Variants in ZNF343 observed in about 807,000 individuals in gnomAD.
ZNF343 encodes the protein zinc finger protein 343.
Under a neutral mutation model 13.8 loss-of-function variants are expected in ZNF343, and 11 were observed. The observed-to-expected ratio is 0.80, with a 90% CI of 0.50 to 1.32. ZNF343 has a LOEUF of 1.32. Ranked by LOEUF, ZNF343 falls within the 40% of genes most tolerant of loss-of-function variation. The pLI is 0.00. For synonymous variants in ZNF343, 248 were observed against 260.0 expected, an observed-to-expected ratio of 0.95 and a Z score of 0.44; for missense variants, 658 against 714.2, an observed-to-expected ratio of 0.92 and a Z score of 0.90.
chr20:2,509,348 C>A (rs946683445), upstream of ZNF343, among the ~76,000 whole-genome samples: 13 of 152,220 alleles, frequency 8.5e-5, no homozygotes, highest in African/African-American at 3.1e-4. Context: ...GTAGATTCGA[C>A]TTCGTGTTGC....
At chr20:2,484,742 C>T in intron 5 of ZNF343, 86 bp from the exon 6 acceptor site, 16 of 1,208,958 alleles carry the variant, frequency 1.3e-5, no homozygotes, top group Non-Finnish European at 1.9e-5. Context: ...GAATGTTTTA[C>T]TGCCATGCCT....
chr20:2,502,000 C>T (rs964629137), intron 1 of ZNF343, among the ~76,000 whole-genome samples: 6 of 151,902 alleles, frequency 3.9e-5, no homozygotes, highest in East Asian at 1.9e-4. Flanking sequence ...AGGCTTCAGA[C>T]GATCAAACTA....
At chr20:2,484,855 T>C (rs1009021902) in intron 5 of ZNF343, among the ~76,000 whole-genome samples, 199 bp from the exon 6 acceptor site, 1 of 152,176 alleles carries the variant, frequency 6.6e-6, no homozygotes, top group Non-Finnish European at 1.5e-5. Flanking sequence ...AACAAAAATA[T>C]CTTGAGAAAC....
intron 2 of ZNF343, among the ~76,000 whole-genome samples, chr20:2,499,400 G>T: frequency 1.0e-5 from 1 of 99,090 alleles, no homozygotes; most frequent in Non-Finnish European, 2.1e-5. Flanking sequence ...GGGAGGCGGA[G>T]CTTGCAGTGA....
intron 5 of ZNF343, among the ~76,000 whole-genome samples, chr20:2,491,553 T>C (rs1178406950): frequency 6.6e-6 from 1 of 152,178 alleles, no homozygotes; most frequent in Non-Finnish European, 1.5e-5. Flanking sequence ...AAGAATGGTT[T>C]TTACATTTTT....
chr20:2,508,646 C>G lies in ZNF343; in HGVS notation c.-237+235G>C, dbSNP rs986126683. Among the ~76,000 whole-genome samples, 7 of 152,200 alleles carry G rather than the reference C, an allele frequency of 4.6e-5. No individual in the cohort carries two copies. Among genetic ancestry groups the G allele is most frequent in the African/African-American group, 9.6e-5 (4 of 41,462 alleles). ...AGAGTTCTAGGTCACTCTCGTCCCC[C>G]CGGGGGGAAAAAAGGTCCGCGGAGG... On this transcript the variant is annotated intron_variant, in intron 1 of 5. Coordinates refer to ENST00000278772, the MANE Select transcript of ZNF343 (RefSeq NM_024325.6). The surrounding 1 kb of genome is among the most constrained non-coding windows in gnomAD (Gnocchi z 4.5).
In ZNF343 at chr20:2,492,696, T is replaced by C. The variant is rs1013885963; in HGVS notation, c.304+3A>G. On this transcript the variant is annotated splice_donor_region_variant and intron_variant, in intron 5 of 5. Transcript: ENST00000278772. ...TGAAGGAAAGGAAAGAACACAGCCT[T>C]ACCCAATGAGAGAAGATTCCTGTAA... 1 of 1,611,234 alleles carries C rather than the reference T, an allele frequency of 6.2e-7. No homozygotes were observed. Among genetic ancestry groups the C allele is most frequent in the Non-Finnish European group, 8.5e-7 (1 of 1,179,210 alleles).
intron 5 of ZNF343, among the ~76,000 whole-genome samples, chr20:2,490,715 A>C (rs1360476947): frequency 3.3e-5 from 5 of 152,032 alleles, no homozygotes; most frequent in Non-Finnish European, 7.4e-5. Context: ...GAACCAGGTC[A>C]GTTTTAACAT....
intron 1 of ZNF343, among the ~76,000 whole-genome samples, chr20:2,505,869 G>C (rs147570062): frequency 0.032 from 4,891 of 152,206 alleles, 283 homozygotes; most frequent in African/African-American, 0.11. Context: ...TACCATTCAG[G>C]ACATAGGCAT....
At chr20:2,490,205 A>G (rs1184179190) in intron 5 of ZNF343, among the ~76,000 whole-genome samples, 1 of 152,136 alleles carries the variant, frequency 6.6e-6, no homozygotes, top group African/African-American at 2.4e-5. Flanking sequence ...GCGATAGATA[A>G]TGGCTTCATT....
upstream of ZNF343, among the ~76,000 whole-genome samples, chr20:2,512,326 G>C (rs1332972204): frequency 6.6e-6 from 1 of 152,122 alleles, no homozygotes. Context: ...TGATCCTAAA[G>C]TTCGTATGGA....
At chr20:2,519,068 T>C (rs538322665) in intron 1 of ZNF343, among the ~76,000 whole-genome samples, 24 of 152,308 alleles carry the variant, frequency 1.6e-4, no homozygotes, top group African/African-American at 5.3e-4. Context: ...TGTGAGTCAA[T>C]TAAACCTCTT....
chr20:2,490,543 G>A (rs6049488), intron 5 of ZNF343, among the ~76,000 whole-genome samples: 22 of 144,164 alleles, frequency 1.5e-4, no homozygotes, highest in African/African-American at 4.4e-4. Context: ...TTTGGTTTTT[G>A]TTTTTTTTTT....
At chr20:2,493,233 G>C (rs1401937493) in intron 4 of ZNF343, among the ~76,000 whole-genome samples, 1 of 152,180 alleles carries the variant, frequency 6.6e-6, no homozygotes, top group Non-Finnish European at 1.5e-5. Flanking sequence ...GAGTGGTAAA[G>C]ATTTAGAGGA....
chr20:2,481,931 G>T lies in ZNF343; in HGVS notation c.*1230C>A, dbSNP rs926076275. 2 of 152,132 alleles carry T rather than the reference G, an allele frequency of 1.3e-5. No homozygotes were observed. The highest frequency in any genetic ancestry group is 2.9e-5 in the Non-Finnish European group (2 of 68,038). 9.4% of individuals were successfully genotyped at this position (152,132 alleles called of 1,614,324 possible). ...TTCGCTCACATACAGAGTACATGGG[G>T]GAGTCAAGACATTTCCTGAAAATCC... is the stretch of plus-strand genomic sequence containing the variant. On this transcript the variant is annotated 3_prime_UTR_variant, in exon 6 of 6. Transcript: ENST00000278772.
At chr20:2,519,241 C>T (rs1208021181) in intron 1 of ZNF343, among the ~76,000 whole-genome samples, 1 of 152,158 alleles carries the variant, frequency 6.6e-6, no homozygotes, top group Admixed American at 6.5e-5. Context: ...CCACACCCTG[C>T]CACAGACTCC....
At chr20:2,495,884 G>T (rs933179971) in intron 2 of ZNF343, among the ~76,000 whole-genome samples, 3 of 152,068 alleles carry the variant, frequency 2.0e-5, no homozygotes, top group Admixed American at 6.5e-5. Flanking sequence ...GTTTCACCAT[G>T]TTGGCCAGGC....
chr20:2,497,146 A>C (rs1186910782), intron 2 of ZNF343, among the ~76,000 whole-genome samples: 2 of 152,214 alleles, frequency 1.3e-5, no homozygotes, highest in Non-Finnish European at 2.9e-5. Context: ...TTGGGGGAGA[A>C]GAACAAAGTT....
chr20:2,495,932 G>A (rs1007178734), intron 2 of ZNF343, among the ~76,000 whole-genome samples: 4 of 151,992 alleles, frequency 2.6e-5, no homozygotes, highest in Non-Finnish European at 4.4e-5. Flanking sequence ...CGTCTGCCTC[G>A]GCCTCCCAAC....
Sources: gnomAD v4.1 joint callset for allele counts (sites outside exome capture counted in the v4.1 genomes callset) on GRCh38, gnomAD v4.1.1 for gene constraint, Gnocchi (gnomAD v3.1) non-coding constraint, MANE v1.5 for transcripts, NCBI Gene and HGNC (gene_info 2026-07-23, HGNC 2026-07-21) for gene names.